ANO3: variants seen among roughly 807,000 people sequenced by gnomAD.
The protein encoded by ANO3 is anoctamin-3.
Under a neutral mutation model 144.8 loss-of-function variants are expected in ANO3, and 99 were observed. The observed-to-expected ratio is 0.68, with a 90% confidence interval of 0.58 to 0.81. The LOEUF is 0.81. ANO3 is among the 30% of genes least tolerant of loss of function. The pLI is 0.00. For missense variants in ANO3, 905 were observed against 1,202.2 expected (o/e 0.75, Z 3.66); for synonymous variants, 414 against 392.6 (o/e 1.05, Z -0.64).
chr11:26,514,710 G>A (rs1046353797), intron 5 of ANO3, among the ~76,000 whole-genome samples: 11 of 152,074 alleles, frequency 7.2e-5, no homozygotes, highest in African/African-American at 2.7e-4. Context: ...AAGGATCTTT[G>A]TCATCATCTT....
Position 26,662,303 on chromosome 11 carries a change from G to C in ANO3, c.*1859G>C, listed in dbSNP as rs796600591. 3.3e-4 allele frequency: 44 copies of C among 134,310 alleles called. No homozygotes were observed. The highest frequency in any genetic ancestry group is 4.1e-3 in the Middle Eastern group (1 of 242). 8.3% of individuals were successfully genotyped at this position (134,310 alleles called of 1,614,324 possible). ...AACTCTTCCATTCAGATTCCAGAGA[G>C]GTTCTCATGCTCCCCCCCCTCCTTA... is the stretch of plus-strand genomic sequence containing the variant. On this transcript the variant is annotated 3_prime_UTR_variant, in exon 27 of 27. Transcript: ENST00000256737.
At chr11:26,526,588 AT>A (rs1364682148) in intron 7 of ANO3, among the ~76,000 whole-genome samples, 1 of 152,156 alleles carries the variant, frequency 6.6e-6, no homozygotes, top group Non-Finnish European at 1.5e-5. Flanking sequence ...ACCAAATAAA[AT>A]TGAATGTAAT....
chr11:26,338,115 T>A, intron 1 of ANO3, among the ~76,000 whole-genome samples: 1 of 145,140 alleles, frequency 6.9e-6, no homozygotes. Context: ...GAATGATAAT[T>A]AAAAAAAAAA....
chr11:26,401,944 G>A (rs1857158278), intron 1 of ANO3, among the ~76,000 whole-genome samples: 1 of 151,976 alleles, frequency 6.6e-6, no homozygotes, highest in Admixed American at 6.6e-5. Flanking sequence ...AAAATCTAAT[G>A]CAAAACAGCT....
chr11:26,535,104 C>T lies in ANO3; in HGVS notation c.976+542C>T, dbSNP rs115441392. Among the ~76,000 whole-genome samples, 599 of 152,280 alleles carry T rather than the reference C, an allele frequency of 3.9e-3. 6 individuals carry two copies. Among genetic ancestry groups the T allele is most frequent in the African/African-American group, 0.013 (557 of 41,558 alleles). ...TGGTTATGAGTTCGTTATTTATCAA[C>T]TCCAAAAGATATCCACAAACTATAT... On this transcript the variant is annotated intron_variant, in intron 9 of 26. Transcript: ENST00000256737.
At chr11:26,262,302 C>T (rs1045198329) in intron 1 of ANO3, among the ~76,000 whole-genome samples, 2 of 152,038 alleles carry the variant, frequency 1.3e-5, no homozygotes, top group African/African-American at 4.8e-5. Context: ...CCTGTCAATA[C>T]TCTTCTTCAT....
chr11:26,283,556 C>T (rs1266732555), intron 1 of ANO3, among the ~76,000 whole-genome samples: 2 of 151,650 alleles, frequency 1.3e-5, no homozygotes, highest in Non-Finnish European at 2.9e-5. Context: ...GAACTGAGAA[C>T]TAATAGAGCA....
chr11:26,429,492 GAAGTA>G (rs554716129), intron 1 of ANO3, among the ~76,000 whole-genome samples: 110 of 144,952 alleles, frequency 7.6e-4, no homozygotes, highest in Admixed American at 3.3e-3. Context: ...TGTAGAGAAT[GAAGTA>G]AATATGAAAA....
At chr11:26,558,679 C>T (rs1224962635) in intron 13 of ANO3, among the ~76,000 whole-genome samples, 1 of 152,090 alleles carries the variant, frequency 6.6e-6, no homozygotes, top group Non-Finnish European at 1.5e-5. Flanking sequence ...TCAATAATGC[C>T]ACATTATAGG....
At chr11:26,503,424 T>A (rs1389328129) in intron 4 of ANO3, among the ~76,000 whole-genome samples, 1 of 152,114 alleles carries the variant, frequency 6.6e-6, no homozygotes, top group African/African-American at 2.4e-5. Context: ...GGTTTGAACA[T>A]GGGTTAATTA....
chr11:26,362,500 C>G (rs1417449747), intron 1 of ANO3, among the ~76,000 whole-genome samples: 1 of 152,110 alleles, frequency 6.6e-6, no homozygotes, highest in East Asian at 1.9e-4. Context: ...GATTTTTGAG[C>G]AGATGGCCTT....
chr11:26,265,116 T>C (rs1853279398), intron 1 of ANO3, among the ~76,000 whole-genome samples: 1 of 152,180 alleles, frequency 6.6e-6, no homozygotes, highest in South Asian at 2.1e-4. Flanking sequence ...TTTTTTCTAC[T>C]TTTGTATATA....
chr11:26,643,112 T>C, intron 22 of ANO3, 70 bp from the exon 23 acceptor site: 1 of 1,460,932 alleles, frequency 6.8e-7, no homozygotes, highest in Non-Finnish European at 9.4e-7. Flanking sequence ...TTAAAAGCAA[T>C]TTATATAAAG....
intron 1 of ANO3, among the ~76,000 whole-genome samples, chr11:26,257,459 A>G (rs1853086101): frequency 6.6e-6 from 1 of 152,048 alleles, no homozygotes; most frequent in African/African-American, 2.4e-5. Flanking sequence ...TGCACACTCA[A>G]TGGTTCAGTT....
chr11:26,410,029 C>T (rs1232342459), intron 1 of ANO3, among the ~76,000 whole-genome samples: 4 of 151,848 alleles, frequency 2.6e-5, no homozygotes, highest in African/African-American at 9.7e-5. Flanking sequence ...TTCATGAATA[C>T]CTGAGATAAA....
At chr11:26,221,102 G>T (rs1218888162) in intron 1 of ANO3, among the ~76,000 whole-genome samples, 1 of 152,196 alleles carries the variant, frequency 6.6e-6, no homozygotes, top group African/African-American at 2.4e-5. Flanking sequence ...AACAGGACAG[G>T]TCTTGTTATG....
At chr11:26,624,858 G>T (rs1401874805) in intron 18 of ANO3, among the ~76,000 whole-genome samples, 1 of 151,528 alleles carries the variant, frequency 6.6e-6, no homozygotes, top group African/African-American at 2.4e-5. Context: ...GATTTACAAT[G>T]AAAACCAGTA....
chr11:26,339,983 C>G (rs1855311398), intron 1 of ANO3, among the ~76,000 whole-genome samples: 1 of 152,182 alleles, frequency 6.6e-6, no homozygotes, highest in Non-Finnish European at 1.5e-5. Flanking sequence ...ATATTCACCT[C>G]CTCACTATAA....
At chr11:26,244,238 G>T (rs1852732910) in intron 1 of ANO3, among the ~76,000 whole-genome samples, 1 of 152,058 alleles carries the variant, frequency 6.6e-6, no homozygotes, top group Non-Finnish European at 1.5e-5. Flanking sequence ...TCCATTTAAG[G>T]TGCTTGCTAA....
Sources: gnomAD v4.1 joint callset for allele counts (sites outside exome capture counted in the v4.1 genomes callset) on GRCh38, gnomAD v4.1.1 for gene constraint, MANE v1.5 for transcripts, NCBI Gene and HGNC (gene_info 2026-07-23, HGNC 2026-07-21) for gene names.